Variants in PPP1R3F observed in about 807,000 individuals in gnomAD.
PPP1R3F encodes the protein protein phosphatase 1 regulatory subunit 3F, also known as protein phosphatase 1, regulatory (inhibitor) subunit 3F.
Under a neutral mutation model 24.2 loss-of-function variants are expected in PPP1R3F, and 29 were observed. That is an observed-to-expected ratio of 1.20 (90% CI 0.89 to 1.63). PPP1R3F has a LOEUF of 1.63. Among genes scored for constraint, PPP1R3F ranks in the 40% most tolerant of loss-of-function variants. PPP1R3F has a pLI of 0.00. For synonymous variants in PPP1R3F, 363 were observed against 340.1 expected, an observed-to-expected ratio of 1.07 and a Z score of -0.74; for missense variants, 823 against 729.3, an observed-to-expected ratio of 1.13 and a Z score of -1.48.
chrX:49,272,263 A>C (rs2066184900), intron 1 of PPP1R3F, among the ~76,000 whole-genome samples: 3 of 111,473 alleles, frequency 2.7e-5, no homozygotes, highest in Admixed American at 1.9e-4. Context: ...GCCCCACCAT[A>C]ATCTGAGACT....
At chrX:49,291,241 C>T (rs1557122311), downstream of PPP1R3F, among the ~76,000 whole-genome samples, 1 of 108,020 alleles carries the variant, frequency 9.3e-6, no homozygotes, top group Non-Finnish European at 1.9e-5. Flanking sequence ...CCTGCCTCAG[C>T]CTCCCAAAGT....
downstream of PPP1R3F, among the ~76,000 whole-genome samples, chrX:49,292,757 G>A (rs1272191404): frequency 8.9e-6 from 1 of 112,536 alleles, no homozygotes; most frequent in African/African-American, 3.2e-5. Flanking sequence ...ACCTAGCACA[G>A]GCCCACTGAC....
In PPP1R3F at chrX:49,270,230, C is replaced by G. The variant is rs782508199; in HGVS notation, c.361C>G (p.Leu121Val). 9.1e-7 allele frequency: 1 copy of G among 1,093,714 alleles called. No individual in the cohort carries two copies. The highest frequency in any genetic ancestry group is 1.2e-6 in the Non-Finnish European group (1 of 846,549). The allele number at this position is 1,093,714 out of a possible 1,213,427, so 90.1% of individuals were successfully genotyped here. ...GTTTTACCTGGTCCCCACATTTTCG[C>G]TGCCGCCCGCGCCGGGCCGTCTGGA... ...GGFYLVPTFS[L>V]PPAPGRLERL... is the part of the protein sequence containing the mutation. The change falls in exon 1 of 4, where the codon CTG becomes GTG. Residue 121 changes from leucine to valine, a missense_variant. Coordinates refer to ENST00000055335, the MANE Select transcript of PPP1R3F (RefSeq NM_033215.5).
intron 1 of PPP1R3F, among the ~76,000 whole-genome samples, chrX:49,271,090 G>C (rs1452053763): frequency 1.2e-4 from 13 of 112,101 alleles, no homozygotes; most frequent in Non-Finnish European, 2.4e-4. Context: ...GTAAAGCCCT[G>C]AACAAGACAG....
chrX:49,297,718 T>C (rs782066958), intron 3 of PPP1R3F, among the ~76,000 whole-genome samples: 5 of 111,329 alleles, frequency 4.5e-5, no homozygotes, highest in South Asian at 3.8e-4. Context: ...TTACCTCTTC[T>C]TGTTGCATTG....
At chrX:49,279,598 C>T (rs1421091026) in intron 1 of PPP1R3F, among the ~76,000 whole-genome samples, 8 of 111,793 alleles carry the variant, frequency 7.2e-5, no homozygotes, top group Admixed American at 4.7e-4. Context: ...GCAGGAGAAT[C>T]ACTTGAACCT....
downstream of PPP1R3F, among the ~76,000 whole-genome samples, chrX:49,291,326 CTG>C (rs2066308398): frequency 1.9e-5 from 2 of 103,302 alleles, no homozygotes; most frequent in African/African-American, 3.7e-5. Flanking sequence ...CTCTCTCTCT[CTG>C]TCTCTCTCCT....
At chrX:49,271,358 G>T (rs2066179164) in intron 1 of PPP1R3F, among the ~76,000 whole-genome samples, 1 of 112,002 alleles carries the variant, frequency 8.9e-6, no homozygotes, top group African/African-American at 3.3e-5. Flanking sequence ...AAGGAACAGG[G>T]AGGACTTTTC....
chrX:49,272,878 G>A (rs1336549274), intron 1 of PPP1R3F, among the ~76,000 whole-genome samples: 1 of 111,374 alleles, frequency 9.0e-6, no homozygotes, highest in East Asian at 2.8e-4. Context: ...AAGCCTCTCA[G>A]CTAGTGAGTG....
At chrX:49,277,896 TGA>T in intron 1 of PPP1R3F, among the ~76,000 whole-genome samples, 1 of 112,134 alleles carries the variant, frequency 8.9e-6, no homozygotes, top group Admixed American at 9.5e-5. Context: ...GGTGTGTCAA[TGA>T]GAGGGGCCCA....
chrX:49,297,185 T>A (rs1334508007), intron 3 of PPP1R3F, among the ~76,000 whole-genome samples: 6 of 94,042 alleles, frequency 6.4e-5, no homozygotes, highest in Admixed American at 2.4e-4. Flanking sequence ...CTTGCTTTAT[T>A]TTTATTTATT....
downstream of PPP1R3F, among the ~76,000 whole-genome samples, chrX:49,291,170 A>G (rs2066306978): frequency 9.0e-6 from 1 of 110,659 alleles, no homozygotes; most frequent in Non-Finnish European, 1.9e-5. Flanking sequence ...TATTTTTACT[A>G]GAGACAGGGT....
chrX:49,280,091 AG>A (rs1326767080), intron 1 of PPP1R3F, among the ~76,000 whole-genome samples: 4 of 111,458 alleles, frequency 3.6e-5, no homozygotes, highest in African/African-American at 1.3e-4. Context: ...ATGAGTGAGG[AG>A]GTGAAGCGAC....
At position 49,286,734 on chromosome X, in the gene PPP1R3F, G is replaced by A. The variant is rs782503410; in HGVS notation, c.2044G>A (p.Ala682Thr). The A allele has an allele frequency of 8.3e-7, 1 of 1,205,734 alleles. No homozygotes were observed. The highest frequency in any genetic ancestry group is 3.0e-5 in the East Asian group (1 of 33,669). Residue 682 changes from alanine to threonine, a missense_variant, in exon 4 of 4, where the codon GCA (alanine) becomes ACA (threonine). Transcript: ENST00000055335. Reference protein sequence around the residue: ...EAQIEVTSEWAGSLDPISGKE... With the variant: ...EAQIEVTSEWTGSLDPISGKE... ...CCAGATAGAGGTCACCAGTGAGTGGGCAGGCAGCTTGGATCCCATATCTGG... is the reference window on the plus strand; with the variant it reads ...CCAGATAGAGGTCACCAGTGAGTGGACAGGCAGCTTGGATCCCATATCTGG...
downstream of PPP1R3F, among the ~76,000 whole-genome samples, chrX:49,291,558 C>T (rs1274966246): frequency 9.3e-6 from 1 of 107,896 alleles, no homozygotes; most frequent in Non-Finnish European, 1.9e-5. Flanking sequence ...GAACTCCTGA[C>T]CTCAGGTGAT....
At chrX:49,290,721 G>A (rs2066306020), downstream of PPP1R3F, among the ~76,000 whole-genome samples, 1 of 111,540 alleles carries the variant, frequency 9.0e-6, no homozygotes, top group Non-Finnish European at 1.9e-5. Flanking sequence ...ATTGCCCAGG[G>A]TCACACAGTG....
chrX:49,299,971 C>G (rs1351163836), intron 3 of PPP1R3F, among the ~76,000 whole-genome samples: 1 of 112,087 alleles, frequency 8.9e-6, no homozygotes, highest in Admixed American at 9.5e-5. Flanking sequence ...ACCTGCTCAG[C>G]TAGACCACAT....
At position 49,272,299 on chromosome X, in the gene PPP1R3F, GT is replaced by G. The variant is rs1414871360; in HGVS notation, c.1004+1431del. Among the ~76,000 whole-genome samples, 7 of 112,126 alleles carry G rather than the reference GT, an allele frequency of 6.2e-5. No homozygotes were observed. The Admixed American group carries it at 6.6e-4, about 11-fold the overall frequency. Reference sequence around the variant, plus strand: ...TCATTTAAAGGGGGCAGGCAGCATGGTTTTTCTTACAGCATTAAGAGTGTGG... The same window carrying G: ...TCATTTAAAGGGGGCAGGCAGCATGGTTTTCTTACAGCATTAAGAGTGTGG... On this transcript the variant is annotated intron_variant, in intron 1 of 3. Transcript: ENST00000055335.
At chrX:49,289,711 A>G (rs138204852), downstream of PPP1R3F, among the ~76,000 whole-genome samples, 1 of 111,646 alleles carries the variant, frequency 9.0e-6, no homozygotes, top group Non-Finnish European at 1.9e-5. Context: ...TGGGATGTCA[A>G]TAATGGTTCA....
Sources: allele counts gnomAD v4.1 joint callset (sites outside exome capture counted in the v4.1 genomes callset), GRCh38; gene constraint gnomAD v4.1.1; transcripts MANE v1.5; gene names NCBI Gene and HGNC (gene_info 2026-07-23, HGNC 2026-07-21).